Variants in STXBP6 observed in about 807,000 individuals in gnomAD.
STXBP6 encodes the protein syntaxin binding protein 6.
In STXBP6, 21 loss-of-function variants were observed where a neutral mutation model predicts 26.9. The ratio of observed to expected loss-of-function variants is 0.78; its 90% CI spans 0.55 to 1.12. The LOEUF is 1.12. Among genes scored for constraint, STXBP6 ranks in the 50% most tolerant of loss-of-function variants. The pLI, the probability that STXBP6 is intolerant of heterozygous loss-of-function variation, is 0.00. For synonymous variants in STXBP6, 97 were observed against 92.6 expected (o/e 1.05, Z -0.27); for missense variants, 232 against 257.9 (o/e 0.90, Z 0.69).
chr14:24,944,459 T>A (rs569359867), intron 2 of STXBP6, among the ~76,000 whole-genome samples: 2 of 152,232 alleles, frequency 1.3e-5, no homozygotes, highest in African/African-American at 4.8e-5. Context: ...TGGGAGCACA[T>A]AGGGGATATG....
intron 4 of STXBP6, among the ~76,000 whole-genome samples, chr14:24,849,092 A>G (rs1191719435): frequency 1.3e-5 from 2 of 152,164 alleles, no homozygotes; most frequent in African/African-American, 4.8e-5. Flanking sequence ...ACAAAAACAC[A>G]AAACTTCCAA....
chr14:24,995,740 A>G (rs1336251304), intron 1 of STXBP6, among the ~76,000 whole-genome samples: 1 of 152,178 alleles, frequency 6.6e-6, no homozygotes, highest in Non-Finnish European at 1.5e-5. Context: ...ACATGAACAA[A>G]AAAAACTACC....
At chr14:24,912,299 C>T (rs1266173151) in intron 2 of STXBP6, among the ~76,000 whole-genome samples, 1 of 152,024 alleles carries the variant, frequency 6.6e-6, no homozygotes, top group Non-Finnish European at 1.5e-5. Context: ...ACTAGCTTTT[C>T]AATCAAATAA....
chr14:24,905,021 A>G (rs1377420284), intron 2 of STXBP6, among the ~76,000 whole-genome samples: 1 of 152,190 alleles, frequency 6.6e-6, no homozygotes, highest in African/African-American at 2.4e-5. Flanking sequence ...GGCCTTGGGT[A>G]AATAATTTAA....
At chr14:25,043,955 A>T (rs1293569218) in intron 1 of STXBP6, among the ~76,000 whole-genome samples, 1 of 152,030 alleles carries the variant, frequency 6.6e-6, no homozygotes, top group Non-Finnish European at 1.5e-5. Flanking sequence ...GGATTGCTTG[A>T]GCCCAGGAGT....
intron 2 of STXBP6, among the ~76,000 whole-genome samples, chr14:24,938,447 C>T (rs1332963779): frequency 6.6e-6 from 1 of 152,140 alleles, no homozygotes; most frequent in Admixed American, 6.5e-5. Context: ...ATACTCCACT[C>T]CAAGGCCCTT....
chr14:24,904,226 A>T (rs1418349688), intron 2 of STXBP6, among the ~76,000 whole-genome samples: 1 of 152,190 alleles, frequency 6.6e-6, no homozygotes, highest in Non-Finnish European at 1.5e-5. Flanking sequence ...GCACAGTCCC[A>T]AAGTCATTTT....
At chr14:24,910,196 C>A (rs1246483645) in intron 2 of STXBP6, among the ~76,000 whole-genome samples, 1 of 152,176 alleles carries the variant, frequency 6.6e-6, no homozygotes, top group Non-Finnish European at 1.5e-5. Flanking sequence ...TGCCACTGCT[C>A]ACATGGCCCC....
At chr14:25,005,651 G>A (rs2074874590) in intron 1 of STXBP6, among the ~76,000 whole-genome samples, 2 of 152,066 alleles carry the variant, frequency 1.3e-5, no homozygotes, top group Non-Finnish European at 2.9e-5. Context: ...CTTTTGTGGA[G>A]TCAAATTTGC....
At chr14:24,911,403 AAAGGAAAGGAAGAAG>A (rs2071569892) in intron 2 of STXBP6, among the ~76,000 whole-genome samples, 1 of 151,788 alleles carries the variant, frequency 6.6e-6, no homozygotes, top group Non-Finnish European at 1.5e-5. Context: ...GAAAGGAAAG[AAAGGAAAGGAAGAAG>A]AAGGAAAGGA....
In STXBP6 at chr14:24,851,479, C is replaced by T. The variant is rs1019504456; in HGVS notation, c.451+4457G>A. ...TTCAATTCCCACCTATGAGTGAGAA[C>T]ATGCGGTGTTTGGTTTTTTGTCCTT... On this transcript the variant is annotated intron_variant, in intron 4 of 5. Coordinates refer to ENST00000323944, the MANE Select transcript of STXBP6 (RefSeq NM_001394410.1). Among the ~76,000 whole-genome samples the T allele has an allele frequency of 5.4e-5, 8 of 147,218 alleles. 2 individuals are homozygous for T. The highest frequency in any genetic ancestry group is 4.2e-4 in the Admixed American group (6 of 14,402).
chr14:24,908,763 T>A (rs943324479), intron 2 of STXBP6, among the ~76,000 whole-genome samples: 6 of 152,194 alleles, frequency 3.9e-5, no homozygotes, highest in African/African-American at 1.2e-4. Context: ...AGCAGCAGCT[T>A]TCAGGAGCTC....
intron 2 of STXBP6, among the ~76,000 whole-genome samples, chr14:24,865,294 A>G (rs1443907294): frequency 6.6e-6 from 1 of 152,130 alleles, no homozygotes; most frequent in Non-Finnish European, 1.5e-5. Context: ...TGGGAAATGA[A>G]TAAGGTGAGC....
At chr14:24,841,078 C>G (rs1039017476) in intron 4 of STXBP6, among the ~76,000 whole-genome samples, 1 of 152,198 alleles carries the variant, frequency 6.6e-6, no homozygotes, top group Non-Finnish European at 1.5e-5. Flanking sequence ...ACACTCCACT[C>G]CTACCCTTTG....
intron 4 of STXBP6, among the ~76,000 whole-genome samples, chr14:24,853,025 A>C (rs965616323): frequency 1.3e-5 from 2 of 152,268 alleles, no homozygotes; most frequent in South Asian, 4.1e-4. Context: ...ATAAAAATTA[A>C]ATTAGATAAC....
chr14:24,829,730 C>G (rs1047466486), intron 4 of STXBP6, among the ~76,000 whole-genome samples: 1 of 151,314 alleles, frequency 6.6e-6, no homozygotes, highest in Non-Finnish European at 1.5e-5. Flanking sequence ...GGCACAGCAG[C>G]AGGCTGGGAA....
chr14:24,827,035 T>C (rs2068306112), intron 4 of STXBP6, among the ~76,000 whole-genome samples: 1 of 152,094 alleles, frequency 6.6e-6, no homozygotes, highest in African/African-American at 2.4e-5. Context: ...ACCCCATCTC[T>C]ATAAGAAATA....
chr14:24,951,562 T>G (rs1271461194), intron 2 of STXBP6, among the ~76,000 whole-genome samples: 1 of 152,200 alleles, frequency 6.6e-6, no homozygotes, highest in African/African-American at 2.4e-5. Flanking sequence ...CACTTTTTGA[T>G]GGGGTTGATA....
At chr14:25,031,052 C>T (rs980201172) in intron 1 of STXBP6, among the ~76,000 whole-genome samples, 3 of 152,088 alleles carry the variant, frequency 2.0e-5, no homozygotes, top group South Asian at 4.1e-4. Context: ...AATATTGGTA[C>T]GCTTCGAAAT....
Sources: gnomAD v4.1 joint callset for allele counts (sites outside exome capture counted in the v4.1 genomes callset) on GRCh38, gnomAD v4.1.1 for gene constraint, MANE v1.5 for transcripts, NCBI Gene and HGNC (gene_info 2026-07-23, HGNC 2026-07-21) for gene names.